The following HPGD variants were observed in gnomAD, a reference collection of about 807,000 sequenced individuals.
HPGD encodes the protein 15-hydroxyprostaglandin dehydrogenase [NAD(+)].
In HPGD, 29 loss-of-function variants were observed where a neutral mutation model predicts 30.0. The ratio of observed to expected loss-of-function variants is 0.97; its 90% CI spans 0.72 to 1.32. The LOEUF (loss-of-function observed/expected upper bound fraction) is 1.32, where lower values mean the gene tolerates loss of function less well. Among genes scored for constraint, HPGD ranks in the 40% most tolerant of loss-of-function variants. HPGD has a pLI of 0.00. For missense variants in HPGD, 340 were observed against 322.1 expected (o/e 1.06, Z -0.43); for synonymous variants, 99 against 112.4 (o/e 0.88, Z 0.75).
intron 4 of HPGD, among the ~76,000 whole-genome samples, chr4:174,497,731 C>T (rs1272821707): frequency 3.3e-5 from 5 of 151,436 alleles, no homozygotes; most frequent in Admixed American, 6.6e-5. Flanking sequence ...GTATGCGCCA[C>T]GGTGCCCAGC....
At chr4:174,516,359 C>T (rs1190546401) in intron 3 of HPGD, among the ~76,000 whole-genome samples, 1 of 152,156 alleles carries the variant, frequency 6.6e-6, no homozygotes, top group African/African-American at 2.4e-5. Context: ...AGCTGGAGAG[C>T]ATTATCCTAA....
At chr4:174,521,868 C>T in intron 2 of HPGD, 76 bp downstream of exon 2, 1 of 1,579,470 alleles carries the variant, frequency 6.3e-7, no homozygotes, top group Non-Finnish European at 8.7e-7. Context: ...ACCCAGGGCC[C>T]CCTGGCCGGG....
intron 4 of HPGD, among the ~76,000 whole-genome samples, chr4:174,503,616 C>G (rs988081412): frequency 6.6e-6 from 1 of 152,066 alleles, no homozygotes; most frequent in Non-Finnish European, 1.5e-5. Flanking sequence ...AGAAGATGAT[C>G]AATGTTTTAT....
At position 174,493,220 on chromosome 4, in the gene HPGD, T is replaced by C. The variant is rs562888734; in HGVS notation, c.593A>G (p.Glu198Gly). 5 of 1,611,154 alleles carry C rather than the reference T, an allele frequency of 3.1e-6. No homozygotes were observed. The African/African-American group carries it at 4.0e-5, about 13-fold the overall frequency. ...ATATTCTATATATTGTCCCATGTTT[T>C]CTTCTTTTTCAATTGATTCAAGGAT... ...TAILESIEKE[E>G]NMGQYIEYKD... Residue 198 changes from glutamate to glycine, a missense_variant, in exon 6 of 7, where the codon GAA (glutamate) becomes GGA (glycine). Transcript: ENST00000296522.
chr4:174,518,375 A>G (rs1447293048), intron 2 of HPGD, among the ~76,000 whole-genome samples: 1 of 152,226 alleles, frequency 6.6e-6, no homozygotes, highest in Non-Finnish European at 1.5e-5. Context: ...TTCTATAAGC[A>G]GTAACTTAAT....
chr4:174,521,702 T>C (rs1736132721), intron 2 of HPGD, among the ~76,000 whole-genome samples: 3 of 152,248 alleles, frequency 2.0e-5, no homozygotes, highest in Non-Finnish European at 2.9e-5. Context: ...TTTGATTACA[T>C]TAATGCTGCC....
intron 4 of HPGD, chr4:174,508,126 G>A: frequency 1.4e-6 from 1 of 702,420 alleles, no homozygotes; most frequent in Non-Finnish European, 2.6e-6. Context: ...GCTCCCTGCT[G>A]AAGACGGCAG....
intron 3 of HPGD, among the ~76,000 whole-genome samples, chr4:174,515,553 A>T (rs1735726792): frequency 6.6e-6 from 1 of 152,104 alleles, no homozygotes; most frequent in South Asian, 2.1e-4. Flanking sequence ...CCCCATTCTG[A>T]AGACATGCCA....
intron 3 of HPGD, among the ~76,000 whole-genome samples, chr4:174,515,945 G>A (rs896829646): frequency 6.6e-6 from 1 of 152,014 alleles, no homozygotes; most frequent in South Asian, 2.1e-4. Context: ...ATTTCACAGC[G>A]ATCAGAATGG....
At chr4:174,502,260 GT>G (rs1182195741) in intron 4 of HPGD, among the ~76,000 whole-genome samples, 1 of 152,174 alleles carries the variant, frequency 6.6e-6, no homozygotes, top group Admixed American at 6.5e-5. Flanking sequence ...CCTGACCAAA[GT>G]AACTGGTGAA....
At chr4:174,519,380 AT>A (rs1182359475) in intron 2 of HPGD, among the ~76,000 whole-genome samples, 1 of 151,808 alleles carries the variant, frequency 6.6e-6, no homozygotes, top group Admixed American at 6.6e-5. Context: ...CGCCCGGCTA[AT>A]TTTTTGTATT....
At chr4:174,501,375 A>C (rs1166973950) in intron 4 of HPGD, among the ~76,000 whole-genome samples, 3 of 152,234 alleles carry the variant, frequency 2.0e-5, no homozygotes, top group African/African-American at 4.8e-5. Flanking sequence ...ATGTGAGAGC[A>C]GTCTCTGCTT....
At chr4:174,497,568 C>CTTTCTTTCTTTTTT (rs1360019053) in intron 4 of HPGD, among the ~76,000 whole-genome samples, 1 of 51,114 alleles carries the variant, frequency 2.0e-5, no homozygotes, top group Non-Finnish European at 4.1e-5. Flanking sequence ...CTTTTTCTTT[C>CTTTCTTTCTTTTTT]TTTTTTTTTT....
At position 174,517,961 on chromosome 4, in the gene HPGD, G is replaced by C; in HGVS notation, c.324+10C>G. ...AATTATAGACAAGAAATATAGCTAA[G>C]ATAACTCACCAAATTAATTTGCAGA... On this transcript the variant is annotated intron_variant, in intron 3 of 6. Coordinates refer to ENST00000296522, the MANE Select transcript of HPGD (RefSeq NM_000860.6). The C allele has an allele frequency of 7.4e-7, 1 of 1,355,222 alleles. No homozygotes were observed. Among genetic ancestry groups the C allele is most frequent in the Non-Finnish European group, 1.1e-6 (1 of 945,036 alleles). 83.9% of individuals were successfully genotyped at this position (1,355,222 alleles called of 1,614,324 possible). A position where few individuals can be genotyped will look rare whatever the true frequency, so the allele number is the denominator to read the frequency against.
rs746624513 is a variant in HPGD at position 174,522,010 on chromosome 4, C to T, written c.151G>A (p.Glu51Lys). The change falls in exon 2 of 7, where the codon GAG becomes AAG. Residue 51 changes from glutamate to lysine, a missense_variant. Coordinates refer to ENST00000296522, the MANE Select transcript of HPGD (RefSeq NM_000860.6). ...AGAGTCTTCTGAGGTTCAAACTGCTCATCCAGGGCAGCTTTACACTGTACA... is the reference window on the plus strand; with the variant it reads ...AGAGTCTTCTGAGGTTCAAACTGCTTATCCAGGGCAGCTTTACACTGTACA... ...AGVQCKAALD[E>K]QFEPQKTLFI... The T allele has an allele frequency of 1.9e-5, 31 of 1,614,008 alleles. No homozygotes were observed. In the Admixed American group the frequency reaches 2.7e-4, roughly 14 times the overall value.
rs1736140152 is a variant in HPGD at position 174,521,818 on chromosome 4, G to T, written c.217+126C>A. 6 of 1,092,818 alleles carry T rather than the reference G, an allele frequency of 5.5e-6. No individual in the cohort carries two copies. In the South Asian group the frequency reaches 7.6e-5, roughly 14 times the overall value. The allele number at this position is 1,092,818 out of a possible 1,614,324, so 67.7% of individuals were successfully genotyped here. ...GTATCAGTCCAAACTGTCTTTTGGAGCTTCAAGGTAGCTGCTCTCGAGGAG... is the reference window on the plus strand; with the variant it reads ...GTATCAGTCCAAACTGTCTTTTGGATCTTCAAGGTAGCTGCTCTCGAGGAG... On this transcript the variant is annotated intron_variant, in intron 2 of 6. Transcript: ENST00000296522.
intron 4 of HPGD, among the ~76,000 whole-genome samples, chr4:174,497,244 A>AT (rs1336342687): frequency 6.6e-6 from 1 of 152,248 alleles, no homozygotes; most frequent in Non-Finnish European, 1.5e-5. Context: ...GACATTGTTC[A>AT]TAAGAGTTGT....
At chr4:174,500,976 T>A (rs1293730535) in intron 4 of HPGD, among the ~76,000 whole-genome samples, 1 of 152,236 alleles carries the variant, frequency 6.6e-6, no homozygotes, top group Non-Finnish European at 1.5e-5. Flanking sequence ...AAATCTGGTA[T>A]AGTGTCCTAA....
rs373399060 is a variant in HPGD, at chr4:174,510,074, C to T, written c.325-1282G>A. Among the ~76,000 whole-genome samples, 3 of 152,148 alleles carry T rather than the reference C, an allele frequency of 2.0e-5. No homozygotes were observed. In the East Asian group the frequency reaches 5.8e-4, roughly 29 times the overall value. ...CCTATTTTTTTCATGCTTTACAATA[C>T]TGCAAAGAAAACGATACAATAGGTA... On this transcript the variant is annotated intron_variant, in intron 3 of 6. Transcript: ENST00000296522.
Sources: allele counts gnomAD v4.1 joint callset (sites outside exome capture counted in the v4.1 genomes callset), GRCh38; gene constraint gnomAD v4.1.1; transcripts MANE v1.5; gene names NCBI Gene and HGNC (gene_info 2026-07-23, HGNC 2026-07-21).